The following TCAIM variants were observed in gnomAD, a reference collection of about 807,000 sequenced individuals.
The protein encoded by TCAIM is T-cell activation inhibitor, mitochondrial.
In TCAIM, 36 loss-of-function variants were observed where a neutral mutation model predicts 58.6. The ratio of observed to expected loss-of-function variants is 0.61; its 90% CI spans 0.47 to 0.81. TCAIM has a LOEUF of 0.81. Ranked by LOEUF, TCAIM falls within the 30% of genes least tolerant of loss-of-function variation. The pLI is 0.00. For missense variants in TCAIM, 466 were observed against 579.6 expected (o/e 0.80, Z 2.01); for synonymous variants, 172 against 193.6 (o/e 0.89, Z 0.93).
intron 5 of TCAIM, among the ~76,000 whole-genome samples, chr3:44,381,548 G>T (rs1701655256): frequency 6.6e-6 from 1 of 152,140 alleles, no homozygotes; most frequent in Non-Finnish European, 1.5e-5. Flanking sequence ...GTAAAAGACT[G>T]AAGTTTTTCA....
intron 5 of TCAIM, among the ~76,000 whole-genome samples, chr3:44,372,747 C>T (rs921006784): frequency 6.6e-6 from 1 of 152,040 alleles, no homozygotes; most frequent in African/African-American, 2.4e-5. Flanking sequence ...GCGCCTGCCA[C>T]CACACCCGGC....
intron 4 of TCAIM, among the ~76,000 whole-genome samples, chr3:44,363,918 G>GTTT (rs1701328325): frequency 2.8e-5 from 3 of 106,718 alleles, no homozygotes; most frequent in Admixed American, 1.2e-4. Flanking sequence ...CAGCAAGTCT[G>GTTT]TCTTTTTTTT....
intron 5 of TCAIM, among the ~76,000 whole-genome samples, chr3:44,372,135 G>T (rs557320105): frequency 1.3e-5 from 2 of 152,180 alleles, no homozygotes; most frequent in Non-Finnish European, 2.9e-5. Context: ...GTTGGTATAC[G>T]CATGTTTGGC....
At position 44,365,618 on chromosome 3, in the gene TCAIM, G is replaced by T. The variant is rs117764151; in HGVS notation, c.320-1838G>T. Among the ~76,000 whole-genome samples, 179 of 152,204 alleles carry T rather than the reference G, an allele frequency of 1.2e-3. 4 individuals are homozygous for T. The East Asian group carries it at 0.034, about 29-fold the overall frequency. On this transcript the variant is annotated intron_variant, in intron 4 of 10. Transcript: ENST00000342649. ...GGTGGGATTACAGGCATGAACCACT[G>T]CCCCGGCCTCATACGTGATACACAC...
chr3:44,386,969 C>T (rs1701753490), intron 5 of TCAIM, among the ~76,000 whole-genome samples: 1 of 152,214 alleles, frequency 6.6e-6, no homozygotes, highest in Non-Finnish European at 1.5e-5. Context: ...GTCCATGGCC[C>T]AGAGTGAAGA....
intron 1 of TCAIM, among the ~76,000 whole-genome samples, chr3:44,353,896 A>G (rs1452895725): frequency 6.6e-6 from 1 of 152,078 alleles, no homozygotes; most frequent in Admixed American, 6.5e-5. Flanking sequence ...TTCTCTTGAC[A>G]TTGTCTTTCA....
intron 5 of TCAIM, among the ~76,000 whole-genome samples, chr3:44,374,194 T>G (rs1034847917): frequency 6.6e-6 from 1 of 152,176 alleles, no homozygotes; most frequent in Non-Finnish European, 1.5e-5. Flanking sequence ...ACTCTTCCCT[T>G]TGTTTATAGG....
At chr3:44,355,616 A>C (rs1427304029) in intron 2 of TCAIM, among the ~76,000 whole-genome samples, 1 of 152,250 alleles carries the variant, frequency 6.6e-6, no homozygotes, top group African/African-American at 2.4e-5. Flanking sequence ...AAGTGGAAAG[A>C]AGGAATGATT....
intron 1 of TCAIM, among the ~76,000 whole-genome samples, chr3:44,343,641 A>T (rs904601691): frequency 1.2e-4 from 19 of 152,132 alleles, no homozygotes; most frequent in Non-Finnish European, 2.4e-4. Flanking sequence ...GTGGCTGCCT[A>T]CTGTTTTAGA....
chr3:44,368,989 C>T (rs1701422684), intron 5 of TCAIM, among the ~76,000 whole-genome samples: 1 of 152,160 alleles, frequency 6.6e-6, no homozygotes, highest in Non-Finnish European at 1.5e-5. Flanking sequence ...TGCCACTGCA[C>T]TCCAGCCTGG....
chr3:44,366,341 G>A (rs540587211), intron 4 of TCAIM, among the ~76,000 whole-genome samples: 3 of 151,498 alleles, frequency 2.0e-5, no homozygotes, highest in Non-Finnish European at 2.9e-5. Flanking sequence ...AGGCTAGAGT[G>A]CAGTGGTACA....
intron 5 of TCAIM, among the ~76,000 whole-genome samples, chr3:44,384,301 G>A (rs377215376): frequency 7.2e-5 from 11 of 152,224 alleles, no homozygotes; most frequent in East Asian, 3.8e-4. Flanking sequence ...CCTAGAGTCT[G>A]GTTAGACAAG....
At chr3:44,359,146 G>A (rs1181832410) in intron 3 of TCAIM, 2 of 913,750 alleles carry the variant, frequency 2.2e-6, no homozygotes, top group African/African-American at 1.8e-5. Flanking sequence ...AGCTACTAGG[G>A]AGGCTGAGGC....
chr3:44,372,738 C>T (rs1256930154), intron 5 of TCAIM, among the ~76,000 whole-genome samples: 3 of 151,904 alleles, frequency 2.0e-5, no homozygotes, highest in East Asian at 1.9e-4. Context: ...GGACTACAGG[C>T]GCCTGCCACC....
intron 2 of TCAIM, 74 bp from the exon 3 acceptor site, chr3:44,357,667 T>A: frequency 6.4e-7 from 1 of 1,563,446 alleles, no homozygotes. Context: ...TTTAGTTTTA[T>A]TGTCACTTAT....
intron 2 of TCAIM, among the ~76,000 whole-genome samples, chr3:44,357,269 A>G (rs1701212306): frequency 6.6e-6 from 1 of 151,606 alleles, no homozygotes; most frequent in Admixed American, 6.6e-5. Flanking sequence ...TTGGGAGGGT[A>G]AGGTGGGAGG....
chr3:44,384,970 TAGAA>T (rs1361450418), intron 5 of TCAIM, among the ~76,000 whole-genome samples: 1 of 152,180 alleles, frequency 6.6e-6, no homozygotes, highest in Non-Finnish European at 1.5e-5. Flanking sequence ...TTTTGAAAGA[TAGAA>T]AGCAGATGAG....
chr3:44,362,429 T>TGG (rs1392361881), intron 4 of TCAIM: 1 of 400,836 alleles, frequency 2.5e-6, no homozygotes, highest in African/African-American at 2.1e-5. Context: ...GGACTTCAAA[T>TGG]GGAAGGAGGA....
At chr3:44,373,983 A>G (rs1437992177) in intron 5 of TCAIM, among the ~76,000 whole-genome samples, 1 of 152,220 alleles carries the variant, frequency 6.6e-6, no homozygotes, top group East Asian at 1.9e-4. Flanking sequence ...TACAGCTACT[A>G]AGATACCAGT....
Sources: gnomAD v4.1 joint callset for allele counts (sites outside exome capture counted in the v4.1 genomes callset) on GRCh38, gnomAD v4.1.1 for gene constraint, MANE v1.5 for transcripts, NCBI Gene and HGNC (gene_info 2026-07-23, HGNC 2026-07-21) for gene names.